SCRN1: variants seen among roughly 807,000 people sequenced by gnomAD.
SCRN1 encodes the protein secernin 1, also known as secernin-1.
Under a neutral mutation model 43.3 loss-of-function variants are expected in SCRN1, and 19 were observed. The ratio of observed to expected loss-of-function variants is 0.44; its 90% CI spans 0.31 to 0.64. The LOEUF is 0.64. SCRN1 is among the 30% of genes least tolerant of loss of function. The probability of loss-of-function intolerance (pLI) is 0.09; values close to 1 mark genes in which losing one functional copy is unlikely to be tolerated. For synonymous variants in SCRN1, 183 were observed against 188.9 expected (o/e 0.97, Z 0.26); for missense variants, 447 against 524.1 (o/e 0.85, Z 1.44).
chr7:29,980,935 TA>T (rs1788975241), intron 1 of SCRN1, among the ~76,000 whole-genome samples: 1 of 152,210 alleles, frequency 6.6e-6, no homozygotes, highest in Non-Finnish European at 1.5e-5. Flanking sequence ...AGATAGATTT[TA>T]AAAGACCTAG....
In SCRN1 at chr7:29,955,258, C is replaced by T. The variant is rs1008531551; in HGVS notation, c.262G>A (p.Val88Met). 1.2e-6 allele frequency: 2 copies of T among 1,614,182 alleles called. No individual in the cohort carries two copies. Among genetic ancestry groups the T allele is most frequent in the Non-Finnish European group, 1.7e-6 (2 of 1,180,034 alleles). ...TTGATGGCTTCATTGGCTATGCACA[C>T]TCCATGTTCATTGGCTCCCATTTCT... ...GAEMGANEHG[V>M]CIANEAINTR... is the part of the protein sequence containing the mutation. Residue 88 changes from valine (V) to methionine (M), a missense_variant, in exon 3 of 8, where the codon GTG (valine) becomes ATG (methionine). Coordinates refer to ENST00000242059, the MANE Select transcript of SCRN1 (RefSeq NM_014766.5).
chr7:29,968,917 T>C lies in SCRN1; in HGVS notation c.151A>G (p.Lys51Glu). 1.2e-6 allele frequency: 2 copies of C among 1,614,134 alleles called. No homozygotes were observed. The highest frequency in any genetic ancestry group is 1.7e-6 in the Non-Finnish European group (2 of 1,180,030). ...FSAADHEPES[K>E]VECTYISIDQ... Reference sequence around the variant, plus strand: ...TGCAATGCACGGCTTACCTCAACCTTGCTCTCCGGTTCGTGATCAGCAGCC... The same window carrying C: ...TGCAATGCACGGCTTACCTCAACCTCGCTCTCCGGTTCGTGATCAGCAGCC... The change falls in exon 2 of 8, where the codon AAG becomes GAG. Residue 51 changes from lysine (K) to glutamate (E), a missense_variant. Coordinates refer to ENST00000242059, the MANE Select transcript of SCRN1 (RefSeq NM_014766.5).
At chr7:29,978,498 G>A (rs1788899142) in intron 1 of SCRN1, among the ~76,000 whole-genome samples, 1 of 151,992 alleles carries the variant, frequency 6.6e-6, no homozygotes, top group Admixed American at 6.6e-5. Context: ...CGCCTGCCTA[G>A]CCCTGCAGCC....
At chr7:29,990,117 T>G, upstream of SCRN1, 1 of 1,550,410 alleles carries the variant, frequency 6.4e-7, no homozygotes, top group East Asian at 2.4e-5. Flanking sequence ...TTCCCGACGT[T>G]TGGTTGCTAC....
chr7:29,929,523 T>C (rs568657323), intron 6 of SCRN1, among the ~76,000 whole-genome samples: 19 of 152,340 alleles, frequency 1.2e-4, no homozygotes, highest in Admixed American at 6.5e-4. Flanking sequence ...AGGACTCTTC[T>C]GACACAGGAC....
At chr7:29,951,118 T>C (rs935455840) in intron 3 of SCRN1, among the ~76,000 whole-genome samples, 8 of 152,244 alleles carry the variant, frequency 5.3e-5, no homozygotes, top group African/African-American at 1.9e-4. Context: ...ACACTCTCTT[T>C]GGGGCTCTGC....
At chr7:29,967,863 T>C (rs1371286487) in intron 2 of SCRN1, among the ~76,000 whole-genome samples, 1 of 152,142 alleles carries the variant, frequency 6.6e-6, no homozygotes, top group Non-Finnish European at 1.5e-5. Flanking sequence ...GCAGAAAGTA[T>C]AATTAACATA....
intron 5 of SCRN1, among the ~76,000 whole-genome samples, chr7:29,937,319 A>G (rs995231755): frequency 1.2e-4 from 19 of 152,094 alleles, no homozygotes; most frequent in African/African-American, 4.1e-4. Flanking sequence ...TTTTGTTTTT[A>G]TTTTCTCCCT....
intron 3 of SCRN1, among the ~76,000 whole-genome samples, chr7:29,953,702 G>A (rs1010208651): frequency 2.6e-5 from 4 of 152,150 alleles, no homozygotes; most frequent in Non-Finnish European, 5.9e-5. Flanking sequence ...GAAAGGTAAG[G>A]AAGGCAGGAA....
intron 6 of SCRN1, among the ~76,000 whole-genome samples, chr7:29,934,875 TAGTG>T (rs1265744119): frequency 6.6e-6 from 1 of 152,256 alleles, no homozygotes; most frequent in Admixed American, 6.5e-5. Flanking sequence ...AATAGTCACC[TAGTG>T]ACCAGCATCA....
At chr7:29,966,204 A>AGAGAGAGAGAGG (rs1554360370) in intron 2 of SCRN1, among the ~76,000 whole-genome samples, 3 of 145,702 alleles carry the variant, frequency 2.1e-5, no homozygotes, top group South Asian at 4.4e-4. Context: ...AGAGAGAGAG[A>AGAGAGAGAGAGG]AGCTGTATCC....
intron 7 of SCRN1, among the ~76,000 whole-genome samples, chr7:29,925,904 ATGTT>A (rs897932481): frequency 2.0e-5 from 3 of 151,830 alleles, no homozygotes; most frequent in African/African-American, 7.3e-5. Flanking sequence ...TTCTAAAACT[ATGTT>A]TGTACTATGG....
chr7:29,933,440 A>G (rs1787225513), intron 6 of SCRN1, among the ~76,000 whole-genome samples: 1 of 152,084 alleles, frequency 6.6e-6, no homozygotes, highest in Admixed American at 6.5e-5. Context: ...CACTCTCACA[A>G]TGCTAAGGTA....
chr7:29,989,978 C>A (rs1039723689), upstream of SCRN1: 469 of 1,375,022 alleles, frequency 3.4e-4, 1 homozygote, highest in Non-Finnish European at 4.2e-4. Flanking sequence ...GCTGGAGGAG[C>A]GGCCGAGAGG....
intron 2 of SCRN1, among the ~76,000 whole-genome samples, chr7:29,964,847 C>G (rs1788436250): frequency 6.6e-6 from 1 of 152,014 alleles, no homozygotes; most frequent in Non-Finnish European, 1.5e-5. Flanking sequence ...GAGGCTGAAG[C>G]AAGAGCATCG....
rs574484806 is a variant in SCRN1 at position 29,944,538 on chromosome 7, T to G, written c.342-359A>C. Among the ~76,000 whole-genome samples, 16 of 151,644 alleles carry G rather than the reference T, an allele frequency of 1.1e-4. No homozygotes were observed. The South Asian group carries it at 3.1e-3, about 30-fold the overall frequency. On this transcript the variant is annotated intron_variant, in intron 3 of 7. Transcript: ENST00000242059. ...ATTAGCCAGGCATGGCGGGACACAC[T>G]GGCAGTCTCAGCTACTTGGAAGGCT...
chr7:29,989,983 G>T (rs1789316777), upstream of SCRN1: 4 of 1,363,196 alleles, frequency 2.9e-6, no homozygotes, highest in Non-Finnish European at 3.8e-6. Context: ...AGGAGCGGCC[G>T]AGAGGGCGTA....
intron 2 of SCRN1, among the ~76,000 whole-genome samples, chr7:29,958,223 T>C (rs1466767064): frequency 6.6e-6 from 1 of 152,212 alleles, no homozygotes; most frequent in East Asian, 1.9e-4. Flanking sequence ...CATTCACACC[T>C]GCTCCATTAT....
chr7:29,943,975 A>G lies in SCRN1; in HGVS notation c.544+2T>C. 6.2e-7 allele frequency: 1 copy of G among 1,613,568 alleles called. No homozygotes were observed. Among genetic ancestry groups the G allele is most frequent in the East Asian group, 2.2e-5 (1 of 44,848 alleles). Reference sequence around the variant, plus strand: ...AACTCTCCATCATCCACACCCACTCACCTGTGACTTTCTCGGCAGCCCAGT... The same window carrying G: ...AACTCTCCATCATCCACACCCACTCGCCTGTGACTTTCTCGGCAGCCCAGT... On this transcript the variant is annotated splice_donor_variant, in intron 4 of 7. Transcript: ENST00000242059. LOFTEE classifies it high-confidence loss of function.
Sources: gnomAD v4.1 joint callset for allele counts (sites outside exome capture counted in the v4.1 genomes callset) on GRCh38, gnomAD v4.1.1 for gene constraint, MANE v1.5 for transcripts, NCBI Gene and HGNC (gene_info 2026-07-23, HGNC 2026-07-21) for gene names.